Variants in RERE observed in about 807,000 individuals in gnomAD.
RERE encodes the protein arginine-glutamic acid dipeptide repeats.
A neutral mutation model predicts 146.1 loss-of-function variants in RERE; 40 were observed. That is an observed-to-expected ratio of 0.27 (90% CI 0.21 to 0.36). The LOEUF (loss-of-function observed/expected upper bound fraction) is 0.36, where lower values mean the gene tolerates loss of function less well. RERE is among the 10% of genes least tolerant of loss of function. The pLI is 1.00. For missense variants in RERE, 1,933 were observed against 2,138.7 expected (o/e 0.90, Z 1.90); for synonymous variants, 1,003 against 866.0 (o/e 1.16, Z -2.78).
chr1:8,634,947 G>A (rs1199150954), intron 2 of RERE, among the ~76,000 whole-genome samples: 1 of 152,166 alleles, frequency 6.6e-6, no homozygotes. Context: ...GTGTTAGCCA[G>A]GATGGTCTTG....
At position 8,360,982 on chromosome 1, in the gene RERE, G is replaced by C; in HGVS notation, c.2525C>G (p.Ala842Gly). 1 of 1,444,162 alleles carries C rather than the reference G, an allele frequency of 6.9e-7. No individual in the cohort carries two copies. The highest frequency in any genetic ancestry group is 9.0e-7 in the Non-Finnish European group (1 of 1,105,716). The allele number at this position is 1,444,162 out of a possible 1,614,324, so 89.5% of individuals were successfully genotyped here. Residue 842 changes from alanine to glycine, a missense_variant, in exon 18 of 23, where the codon GCC becomes GGC. Ala to Gly is a moderately conservative substitution (Grantham distance 60). This residue lies in a region of RERE where 1,255 missense variants were observed against 1,153.8 expected (regional missense o/e 1.09). Transcript: ENST00000400908. ...SAGQPSAPSH[A>G]QPPLHGQGPP... Reference sequence around the variant, plus strand: ...GCCCTGACCGTGCAGTGGGGGCTGGGCATGAGAGGGTGCAGAAGGCTGGCC... The same window carrying C: ...GCCCTGACCGTGCAGTGGGGGCTGGCCATGAGAGGGTGCAGAAGGCTGGCC...
intron 4 of RERE, among the ~76,000 whole-genome samples, chr1:8,571,663 G>A (rs993680458): frequency 3.3e-5 from 5 of 152,122 alleles, no homozygotes; most frequent in African/African-American, 1.2e-4. Context: ...AAACAAAGAC[G>A]GTAACCTTTA....
intron 4 of RERE, among the ~76,000 whole-genome samples, chr1:8,608,857 G>A (rs549458961): frequency 3.9e-5 from 6 of 152,210 alleles, no homozygotes; most frequent in East Asian, 1.9e-4. Flanking sequence ...AACCCAAGGC[G>A]GGAAGATCAC....
chr1:8,742,297 A>G (rs539440964), intron 1 of RERE, among the ~76,000 whole-genome samples: 55 of 152,356 alleles, frequency 3.6e-4, no homozygotes, highest in African/African-American at 1.2e-3. Context: ...AATAAAAACT[A>G]GGTCCTCTCT....
At chr1:8,578,714 C>T (rs1247998920) in intron 4 of RERE, among the ~76,000 whole-genome samples, 1 of 152,096 alleles carries the variant, frequency 6.6e-6, no homozygotes, top group East Asian at 1.9e-4. Flanking sequence ...TTTCCAAGAA[C>T]ATCTCACTTA....
At chr1:8,521,095 TGTAA>T (rs1645491760) in intron 7 of RERE, among the ~76,000 whole-genome samples, 1 of 145,140 alleles carries the variant, frequency 6.9e-6, no homozygotes, top group Non-Finnish European at 1.5e-5. Context: ...ACCTAGTGTG[TGTAA>T]GTGAGAAAGT....
intron 11 of RERE, among the ~76,000 whole-genome samples, chr1:8,454,053 A>T (rs1644421503): frequency 6.6e-6 from 1 of 152,234 alleles, no homozygotes; most frequent in Non-Finnish European, 1.5e-5. Context: ...GGGGAGCACA[A>T]GGGACAGAAG....
chr1:8,689,120 TTC>T (rs1639153378), intron 1 of RERE, among the ~76,000 whole-genome samples: 1 of 152,202 alleles, frequency 6.6e-6, no homozygotes. Context: ...TTTTTTTAGT[TTC>T]TTTGTTGAAA....
At chr1:8,506,574 T>A (rs547978916) in intron 8 of RERE, among the ~76,000 whole-genome samples, 1 of 152,366 alleles carries the variant, frequency 6.6e-6, no homozygotes, top group Non-Finnish European at 1.5e-5. Context: ...CTGCTGCCTG[T>A]ATCCCATGTC....
chr1:8,607,109 C>T (rs4466677), intron 4 of RERE, among the ~76,000 whole-genome samples: 6 of 152,238 alleles, frequency 3.9e-5, no homozygotes, highest in Non-Finnish European at 8.8e-5. Flanking sequence ...AATTGTAACC[C>T]TAACCCTTTC....
chr1:8,636,041 T>G (rs987674267), intron 2 of RERE, among the ~76,000 whole-genome samples: 7 of 152,182 alleles, frequency 4.6e-5, no homozygotes, highest in African/African-American at 1.4e-4. Flanking sequence ...CAGGCTGGAG[T>G]GCAATGGCGC....
intron 4 of RERE, among the ~76,000 whole-genome samples, chr1:8,608,715 T>C (rs537913008): frequency 4.3e-4 from 66 of 152,368 alleles, no homozygotes; most frequent in Non-Finnish European, 8.1e-4. Context: ...CATAGGTTTA[T>C]TGATATTTGT....
chr1:8,604,826 C>T (rs1234238385), intron 4 of RERE, among the ~76,000 whole-genome samples: 1 of 152,188 alleles, frequency 6.6e-6, no homozygotes, highest in African/African-American at 2.4e-5. Flanking sequence ...ACTGACCACA[C>T]AACAATTTCT....
At chr1:8,697,516 C>A (rs1639358406) in intron 1 of RERE, among the ~76,000 whole-genome samples, 1 of 151,986 alleles carries the variant, frequency 6.6e-6, no homozygotes, top group African/African-American at 2.4e-5. Context: ...CCTCCGCCTA[C>A]CGAGTAGCTG....
At chr1:8,565,155 C>T (rs1332128928) in intron 4 of RERE, among the ~76,000 whole-genome samples, 4 of 151,904 alleles carry the variant, frequency 2.6e-5, no homozygotes, top group Admixed American at 1.3e-4. Flanking sequence ...ATCGACTGCA[C>T]AACATGATTA....
intron 12 of RERE, among the ~76,000 whole-genome samples, chr1:8,405,140 G>T (rs1354279480): frequency 6.6e-6 from 1 of 152,228 alleles, no homozygotes; most frequent in Non-Finnish European, 1.5e-5. Flanking sequence ...TGATGGTCAA[G>T]AGTGAGAAGG....
rs977821881 is a variant in RERE, at chr1:8,568,153, G to T, written c.523-10630C>A. 2.0e-5 allele frequency among the ~76,000 whole-genome samples: 3 copies of T among 152,136 alleles called. No individual in the cohort carries two copies. The South Asian group carries it at 6.2e-4, about 31-fold the overall frequency. ...ACAGAACAAAAAAAAGCAGGGAAAA[G>T]GAGACTTTGCTCTCTCTCCAAGAGC... On this transcript the variant is annotated intron_variant, in intron 4 of 22. Transcript: ENST00000400908.
intron 10 of RERE, among the ~76,000 whole-genome samples, chr1:8,478,160 G>A (rs1438663352): frequency 1.3e-5 from 2 of 152,162 alleles, no homozygotes; most frequent in Non-Finnish European, 2.9e-5. Flanking sequence ...AAAGAGAAGA[G>A]CAGCAGCAGA....
intron 4 of RERE, among the ~76,000 whole-genome samples, chr1:8,578,495 G>A (rs1437082222): frequency 6.6e-6 from 1 of 152,084 alleles, no homozygotes; most frequent in Non-Finnish European, 1.5e-5. Context: ...TAAACCTAAA[G>A]GCAGGCAACA....
Sources: allele counts gnomAD v4.1 joint callset (sites outside exome capture counted in the v4.1 genomes callset), GRCh38; gene constraint gnomAD v4.1.1; regional missense constraint gnomAD v4.1.1; transcripts MANE v1.5; gene names NCBI Gene and HGNC (gene_info 2026-07-23, HGNC 2026-07-21).